Variants in CLASP2 observed in about 807,000 individuals in gnomAD.
CLASP2 encodes the protein CLIP-associating protein 2.
CLASP2 carries 47 observed loss-of-function variants against 194.4 expected under a neutral mutation model. The ratio of observed to expected loss-of-function variants is 0.24; its 90% CI spans 0.19 to 0.31. CLASP2 has a LOEUF of 0.31. CLASP2 is among the 10% of genes least tolerant of loss of function. CLASP2 has a pLI of 1.00. For missense variants in CLASP2, 1,445 were observed against 1,823.6 expected (o/e 0.79, Z 3.78); for synonymous variants, 619 against 633.5 (o/e 0.98, Z 0.34).
In CLASP2 at chr3:33,501,640, A is replaced by G; in HGVS notation, c.4434+12T>C. Reference sequence around the variant, plus strand: ...ATGGCCACCATCTCTAAAACACAGCAGCACTACTTACTTTACTGCCAGTAA... The same window carrying G: ...ATGGCCACCATCTCTAAAACACAGCGGCACTACTTACTTTACTGCCAGTAA... On this transcript the variant is annotated intron_variant, in intron 38 of 38. Coordinates refer to ENST00000682230, the MANE Select transcript of CLASP2 (RefSeq NM_001365631.1). 2.0e-6 allele frequency: 3 copies of G among 1,508,088 alleles called. No homozygotes were observed. Among genetic ancestry groups the G allele is most frequent in the Non-Finnish European group, 2.8e-6 (3 of 1,083,290 alleles). The allele number at this position is 1,508,088 out of a possible 1,614,324, so 93.4% of individuals were successfully genotyped here.
At chr3:33,560,548 T>C (rs1045555685) in intron 28 of CLASP2, among the ~76,000 whole-genome samples, 12 of 152,042 alleles carry the variant, frequency 7.9e-5, no homozygotes, top group African/African-American at 1.9e-4. Flanking sequence ...CAGCTGCTGA[T>C]ACATCAATTA....
intron 36 of CLASP2, among the ~76,000 whole-genome samples, chr3:33,511,407 C>T (rs1217510070): frequency 1.3e-5 from 2 of 152,080 alleles, no homozygotes; most frequent in Non-Finnish European, 2.9e-5. Context: ...TTTACTTAGA[C>T]TACAATGTGA....
At chr3:33,620,188 T>A (rs1481954928) in intron 11 of CLASP2, among the ~76,000 whole-genome samples, 1 of 152,210 alleles carries the variant, frequency 6.6e-6, no homozygotes, top group Non-Finnish European at 1.5e-5. Context: ...TATTCTTTAT[T>A]TCTATTAATA....
intron 2 of CLASP2, among the ~76,000 whole-genome samples, chr3:33,694,785 G>A (rs1339638387): frequency 6.6e-6 from 1 of 151,976 alleles, no homozygotes; most frequent in East Asian, 1.9e-4. Context: ...AATATTTTAA[G>A]AAAATACAGG....
chr3:33,650,716 G>C (rs558549034), intron 7 of CLASP2, among the ~76,000 whole-genome samples: 1 of 152,056 alleles, frequency 6.6e-6, no homozygotes, highest in South Asian at 2.1e-4. Context: ...GAGGTGGATG[G>C]AGGAAGCGAT....
At chr3:33,630,653 G>C (rs2078930569) in intron 9 of CLASP2, among the ~76,000 whole-genome samples, 1 of 152,134 alleles carries the variant, frequency 6.6e-6, no homozygotes, top group African/African-American at 2.4e-5. Context: ...TTATGAAAAA[G>C]ATGTTTCCAA....
At chr3:33,506,722 A>G (rs1340354291) in intron 37 of CLASP2, among the ~76,000 whole-genome samples, 4 of 152,142 alleles carry the variant, frequency 2.6e-5, no homozygotes, top group African/African-American at 9.7e-5. Flanking sequence ...CAGTTGTCCT[A>G]GCATCACATT....
chr3:33,505,785 G>A (rs956350756), intron 37 of CLASP2, among the ~76,000 whole-genome samples: 3 of 152,124 alleles, frequency 2.0e-5, no homozygotes, highest in Admixed American at 6.5e-5. Flanking sequence ...TTGGCTTGGC[G>A]GCTCATGCCT....
At chr3:33,651,025 A>G (rs2083091296) in intron 7 of CLASP2, among the ~76,000 whole-genome samples, 1 of 152,218 alleles carries the variant, frequency 6.6e-6, no homozygotes, top group Admixed American at 6.5e-5. Flanking sequence ...ATAACAAAAC[A>G]TGATGTGAAC....
At chr3:33,568,247 T>C (rs749539815) in intron 26 of CLASP2, among the ~76,000 whole-genome samples, 1 of 152,072 alleles carries the variant, frequency 6.6e-6, no homozygotes, top group Non-Finnish European at 1.5e-5. Context: ...TATTTAGTGA[T>C]ACATGAAAAT....
intron 2 of CLASP2, among the ~76,000 whole-genome samples, chr3:33,694,107 A>G (rs975919733): frequency 3.3e-5 from 5 of 152,176 alleles, no homozygotes; most frequent in Non-Finnish European, 7.4e-5. Flanking sequence ...TCAAAACGAA[A>G]TAAGGGCACA....
At chr3:33,684,707 A>T (rs1254470428) in intron 5 of CLASP2, among the ~76,000 whole-genome samples, 1 of 152,142 alleles carries the variant, frequency 6.6e-6, no homozygotes, top group Admixed American at 6.5e-5. Context: ...GCTTTTAAAA[A>T]ATCTATTTGT....
intron 21 of CLASP2, among the ~76,000 whole-genome samples, chr3:33,589,123 A>T (rs2068069011): frequency 6.6e-6 from 1 of 152,148 alleles, no homozygotes; most frequent in South Asian, 2.1e-4. Context: ...AGCTGAAGAA[A>T]AATTACATGA....
chr3:33,548,039 G>A (rs930223094), intron 30 of CLASP2, among the ~76,000 whole-genome samples: 1 of 151,676 alleles, frequency 6.6e-6, no homozygotes, highest in African/African-American at 2.4e-5. Flanking sequence ...GCCTCCTAAA[G>A]TGCTGGGATT....
At chr3:33,515,798 AAAAT>A (rs2051152281) in intron 36 of CLASP2, among the ~76,000 whole-genome samples, 1 of 152,118 alleles carries the variant, frequency 6.6e-6, no homozygotes, top group South Asian at 2.1e-4. Flanking sequence ...AAAACAAAAT[AAAAT>A]AAATTATTTC....
At position 33,564,020 on chromosome 3, in the gene CLASP2, A is replaced by G. The variant is rs2062227001; in HGVS notation, c.2766+2712T>C. On this transcript the variant is annotated intron_variant, in intron 27 of 38. Coordinates refer to ENST00000682230, the MANE Select transcript of CLASP2 (RefSeq NM_001365631.1). ...CAAGAAACTTCTTGGATTGCAAGTC[A>G]GGGCCACTGATCTTCCTGACTTAGA... 2.1e-5 allele frequency: 9 copies of G among 429,090 alleles called. No homozygotes were observed. The Admixed American group carries it at 2.4e-4, about 11-fold the overall frequency. 26.6% of individuals were successfully genotyped at this position (429,090 alleles called of 1,614,324 possible).
At position 33,624,290 on chromosome 3, in the gene CLASP2, T is replaced by G. The variant is rs536115280; in HGVS notation, c.1036-2010A>C. Among the ~76,000 whole-genome samples the G allele has an allele frequency of 2.0e-5, 3 of 152,190 alleles. No individual in the cohort carries two copies. The South Asian group carries it at 6.2e-4, about 32-fold the overall frequency. ...TAAAGATGTAAATGTAAAAAAACCC[T>G]GCTATGGACATTAGAAAAAAAATCA... On this transcript the variant is annotated intron_variant, in intron 10 of 38. Coordinates refer to ENST00000682230, the MANE Select transcript of CLASP2 (RefSeq NM_001365631.1).
intron 22 of CLASP2, 23 bp downstream of exon 22, chr3:33,584,727 T>TTA: frequency 8.0e-7 from 1 of 1,255,340 alleles, no homozygotes. Flanking sequence ...ATGTCTCACA[T>TTA]AAAAAAAAAA....
rs1245092464 is a variant in CLASP2 at position 33,543,508 on chromosome 3, G to A, written c.3329C>T (p.Thr1110Ile). Reference sequence around the variant, plus strand: ...GGACCAGTTAGCTGGTGATCGTGGTGTTGGTCTTGTCAAAGGACTCCCCAT... The same window carrying A: ...GGACCAGTTAGCTGGTGATCGTGGTATTGGTCTTGTCAAAGGACTCCCCAT... Reference protein sequence around the residue: ...SSMGSPLTRPTPRSPANWSSP... With the variant: ...SSMGSPLTRPIPRSPANWSSP... The change falls in exon 32 of 39, where the codon ACA becomes ATA. Residue 1110 changes from threonine to isoleucine, a missense_variant. By Grantham distance (89) the Thr-to-Ile change is moderately conservative. Transcript: ENST00000682230. 2.5e-6 allele frequency: 4 copies of A among 1,613,146 alleles called. No homozygotes were observed. The highest frequency in any genetic ancestry group is 3.4e-6 in the Non-Finnish European group (4 of 1,179,240).
Sources: gnomAD v4.1 joint callset for allele counts (sites outside exome capture counted in the v4.1 genomes callset) on GRCh38, gnomAD v4.1.1 for gene constraint, MANE v1.5 for transcripts, NCBI Gene and HGNC (gene_info 2026-07-23, HGNC 2026-07-21) for gene names.